NKAIN3: variants seen among roughly 807,000 people sequenced by gnomAD.
NKAIN3 encodes sodium/potassium transporting ATPase interacting 3, also known as sodium/potassium-transporting ATPase subunit beta-1-interacting protein 3.
NKAIN3 carries 25 observed loss-of-function variants against 30.2 expected under a neutral mutation model. The observed-to-expected ratio is 0.83, with a 90% confidence interval of 0.60 to 1.16. The LOEUF (loss-of-function observed/expected upper bound fraction) is 1.16, where lower values mean the gene tolerates loss of function less well. Ranked by LOEUF, NKAIN3 falls within the 50% of genes most tolerant of loss-of-function variation. The pLI is 0.00. For missense variants in NKAIN3, 225 were observed against 254.1 expected (o/e 0.89, Z 0.78); for synonymous variants, 91 against 89.6 (o/e 1.02, Z -0.09).
chr8:62,654,326 A>G (rs1249609175), intron 3 of NKAIN3, among the ~76,000 whole-genome samples: 3 of 152,116 alleles, frequency 2.0e-5, no homozygotes, highest in Non-Finnish European at 2.9e-5. Flanking sequence ...AAGAATAGTT[A>G]AGAAAATCCA....
intron 4 of NKAIN3, among the ~76,000 whole-genome samples, chr8:62,833,869 C>T (rs369291504): frequency 5.1e-4 from 77 of 151,788 alleles, no homozygotes; most frequent in African/African-American, 1.7e-3. Flanking sequence ...AAAGACACCA[C>T]GAAAAAAGAA....
intron 4 of NKAIN3, among the ~76,000 whole-genome samples, chr8:62,768,384 C>G (rs1027147832): frequency 1.3e-5 from 2 of 152,160 alleles, no homozygotes; most frequent in Non-Finnish European, 2.9e-5. Context: ...ACAACAGTTG[C>G]AGGTTTGGTA....
At chr8:62,607,570 A>G (rs1365155054) in intron 3 of NKAIN3, among the ~76,000 whole-genome samples, 1 of 152,192 alleles carries the variant, frequency 6.6e-6, no homozygotes, top group African/African-American at 2.4e-5. Context: ...ATCCTGCACC[A>G]GGAATTTACA....
intron 3 of NKAIN3, among the ~76,000 whole-genome samples, chr8:62,606,637 AC>A (rs1297886777): frequency 6.6e-5 from 10 of 152,174 alleles, no homozygotes; most frequent in African/African-American, 2.2e-4. Flanking sequence ...TGTTTCCAGA[AC>A]AATGTGCAAT....
In NKAIN3 at chr8:62,367,130, A is replaced by G. The variant is rs149538954; in HGVS notation, c.54+118003A>G. 2.1e-3 allele frequency among the ~76,000 whole-genome samples: 320 copies of G among 152,304 alleles called. 1 individual carries two copies. Among genetic ancestry groups the G allele is most frequent in the African/African-American group, 7.1e-3 (295 of 41,556 alleles). ...CTTAACATATGATTTATCCTGGAGA[A>G]TATTTCAAGTGTGCTTCAGAACAAT... On this transcript the variant is annotated intron_variant, in intron 1 of 6. Coordinates refer to ENST00000623646, the MANE Select transcript of NKAIN3 (RefSeq NM_001304533.3).
chr8:62,459,325 C>T (rs1410354043), intron 1 of NKAIN3, among the ~76,000 whole-genome samples: 5 of 152,100 alleles, frequency 3.3e-5, no homozygotes. Flanking sequence ...AGGCTGTCAG[C>T]CTTGTCAGGG....
At chr8:62,621,113 T>C (rs1207330979) in intron 3 of NKAIN3, among the ~76,000 whole-genome samples, 1 of 152,210 alleles carries the variant, frequency 6.6e-6, no homozygotes, top group Non-Finnish European at 1.5e-5. Flanking sequence ...CATTTACATG[T>C]CTTCTTTTTA....
chr8:62,621,449 T>C (rs1012606544), intron 3 of NKAIN3, among the ~76,000 whole-genome samples: 5 of 152,104 alleles, frequency 3.3e-5, no homozygotes, highest in African/African-American at 9.7e-5. Flanking sequence ...TGCTCAAAGG[T>C]AAACCTAACA....
intron 1 of NKAIN3, among the ~76,000 whole-genome samples, chr8:62,357,795 G>A (rs563543360): frequency 6.6e-6 from 1 of 152,260 alleles, no homozygotes; most frequent in South Asian, 2.1e-4. Flanking sequence ...AGAGAGATAT[G>A]TTGGATGTCC....
chr8:62,458,182 C>G (rs1483841975), intron 1 of NKAIN3, among the ~76,000 whole-genome samples: 1 of 152,168 alleles, frequency 6.6e-6, no homozygotes, highest in Non-Finnish European at 1.5e-5. Context: ...TCCCCAGCTG[C>G]TTCTGAAACA....
At chr8:62,863,273 T>C (rs1386889882) in intron 4 of NKAIN3, 7 of 1,555,888 alleles carry the variant, frequency 4.5e-6, no homozygotes, top group Admixed American at 1.9e-5. Context: ...ATTTTTCCTA[T>C]AGGTTTCTGC....
intron 1 of NKAIN3, among the ~76,000 whole-genome samples, chr8:62,415,239 A>G (rs962864054): frequency 4.9e-5 from 7 of 143,074 alleles, no homozygotes; most frequent in African/African-American, 1.8e-4. Context: ...ATAATATAGT[A>G]TATTATATAT....
chr8:62,751,575 G>A lies in NKAIN3; in HGVS notation c.471+4446G>A, dbSNP rs138198315. Among the ~76,000 whole-genome samples, 19 of 152,098 alleles carry A rather than the reference G, an allele frequency of 1.2e-4. No individual in the cohort carries two copies. The East Asian group carries it at 3.5e-3, about 28-fold the overall frequency. On this transcript the variant is annotated intron_variant, in intron 4 of 6. Transcript: ENST00000623646. The stretch of plus-strand genomic sequence containing the variant: ...TCTGAGCCCTTCTTTTTATTCTTAT[G>A]TATTTTGTAACTATTTCCTTATCAG...
chr8:62,363,774 G>A (rs1816637001), intron 1 of NKAIN3, among the ~76,000 whole-genome samples: 2 of 152,142 alleles, frequency 1.3e-5, no homozygotes, highest in South Asian at 2.1e-4. Flanking sequence ...TACCCCTTGA[G>A]CAATCTAACA....
chr8:62,777,952 G>C (rs1461464237), intron 4 of NKAIN3, among the ~76,000 whole-genome samples: 1 of 152,136 alleles, frequency 6.6e-6, no homozygotes, highest in Non-Finnish European at 1.5e-5. Flanking sequence ...AGCACTTGAA[G>C]ACTTGTAGAG....
rs1823802423 is a variant in NKAIN3 at position 62,970,182 on chromosome 8, T to C, written c.*4775T>C. The stretch of plus-strand genomic sequence containing the variant: ...TTAGAGGCTGCAGTGAGTGCACTAC[T>C]GCACTCCAGCCTAGGCAATACAGCA... On this transcript the variant is annotated 3_prime_UTR_variant, in exon 7 of 7. Transcript: ENST00000623646. Among the ~76,000 whole-genome samples the C allele has an allele frequency of 6.6e-6, 1 of 152,056 alleles. No individual in the cohort carries two copies. Among genetic ancestry groups the C allele is most frequent in the African/African-American group, 2.4e-5 (1 of 41,376 alleles).
intron 4 of NKAIN3, among the ~76,000 whole-genome samples, chr8:62,837,971 T>C (rs938965192): frequency 6.6e-6 from 1 of 152,016 alleles, no homozygotes; most frequent in African/African-American, 2.4e-5. Context: ...GCAAGGTACG[T>C]CCTAATGCTG....
rs889484946 is a variant in NKAIN3, at chr8:62,408,749, A to G, written c.54+159622A>G. On this transcript the variant is annotated intron_variant, in intron 1 of 6. Coordinates refer to ENST00000623646, the MANE Select transcript of NKAIN3 (RefSeq NM_001304533.3). The stretch of plus-strand genomic sequence containing the variant: ...GCCATTACCATGTCCAAACAGCATT[A>G]TGGAGGAAAGTGAAAAAGTGAAGGG... 2.6e-5 allele frequency among the ~76,000 whole-genome samples: 4 copies of G among 152,160 alleles called. No individual in the cohort carries two copies. The East Asian group carries it at 7.7e-4, about 29-fold the overall frequency.
intron 2 of NKAIN3, among the ~76,000 whole-genome samples, chr8:62,586,045 G>GA (rs1563471166): frequency 6.6e-6 from 1 of 152,110 alleles, no homozygotes; most frequent in East Asian, 1.9e-4. Flanking sequence ...GATTAACCTT[G>GA]AAATTAAAAT....
Sources: gnomAD v4.1 joint callset for allele counts (sites outside exome capture counted in the v4.1 genomes callset) on GRCh38, gnomAD v4.1.1 for gene constraint, MANE v1.5 for transcripts, NCBI Gene and HGNC (gene_info 2026-07-23, HGNC 2026-07-21) for gene names.